Variants in CACUL1 observed in about 807,000 individuals in gnomAD.
CACUL1 encodes CDK2-associated and cullin domain-containing protein 1.
CACUL1 carries 13 observed loss-of-function variants against 45.2 expected under a neutral mutation model. The ratio of observed to expected loss-of-function variants is 0.29; its 90% CI spans 0.19 to 0.46. The LOEUF is 0.46. Ranked by LOEUF, CACUL1 falls within the 20% of genes least tolerant of loss-of-function variation. The probability of loss-of-function intolerance (pLI) is 1.00; values close to 1 mark genes in which losing one functional copy is unlikely to be tolerated. For synonymous variants in CACUL1, 197 were observed against 174.2 expected (o/e 1.13, Z -1.03); for missense variants, 421 against 471.4 (o/e 0.89, Z 0.99).
At chr10:118,753,261 T>C (rs1235572140) in intron 1 of CACUL1, among the ~76,000 whole-genome samples, 1 of 152,250 alleles carries the variant, frequency 6.6e-6, no homozygotes, top group African/African-American at 2.4e-5. Context: ...ATCAATGTCT[T>C]TGACTAAGGC....
At position 118,754,805 on chromosome 10, in the gene CACUL1, G is replaced by C; in HGVS notation, c.-43C>G. ...CCCGCCCGCCTCACAGGCACCTGCC[G>C]CCTGTCTCAACCCCGGGCCAGCGGG... On this transcript the variant is annotated 5_prime_UTR_variant, in exon 1 of 9. Transcript: ENST00000369151. 1 of 1,517,604 alleles carries C rather than the reference G, an allele frequency of 6.6e-7. No individual in the cohort carries two copies. The highest frequency in any genetic ancestry group is 8.8e-7 in the Non-Finnish European group (1 of 1,137,760). 94.0% of individuals were successfully genotyped at this position (1,517,604 alleles called of 1,614,324 possible). A position where few individuals can be genotyped will look rare whatever the true frequency, so the allele number is the denominator to read the frequency against.
At chr10:118,740,130 G>A (rs924425987) in intron 1 of CACUL1, among the ~76,000 whole-genome samples, 2 of 152,164 alleles carry the variant, frequency 1.3e-5, no homozygotes, top group Non-Finnish European at 2.9e-5. Flanking sequence ...CTGGGCGACA[G>A]AGCGGGACTC....
At chr10:118,748,097 G>A (rs1845861782) in intron 1 of CACUL1, among the ~76,000 whole-genome samples, 1 of 152,126 alleles carries the variant, frequency 6.6e-6, no homozygotes, top group Non-Finnish European at 1.5e-5. Flanking sequence ...AAAAAAAAGA[G>A]AGAGACAGAG....
chr10:118,695,827 G>GT (rs1845316730), intron 5 of CACUL1, among the ~76,000 whole-genome samples: 1 of 152,154 alleles, frequency 6.6e-6, no homozygotes, highest in Non-Finnish European at 1.5e-5. Flanking sequence ...TTTTTAAGAA[G>GT]TTTTTAACGA....
At chr10:118,725,341 A>T (rs146829620) in intron 3 of CACUL1, among the ~76,000 whole-genome samples, 1 of 152,050 alleles carries the variant, frequency 6.6e-6, no homozygotes, top group African/African-American at 2.4e-5. Context: ...GGTGGTGCAC[A>T]CCTGTAGTCC....
chr10:118,686,186 T>C lies in CACUL1; in HGVS notation c.1070-18A>G, dbSNP rs201638958. ...CGAGCTATCTGAAAAAACATCAGAATAGGAAAAAGTATGAAGAGCAGACAG... is the reference window on the plus strand; with the variant it reads ...CGAGCTATCTGAAAAAACATCAGAACAGGAAAAAGTATGAAGAGCAGACAG... On this transcript the variant is annotated intron_variant, in intron 8 of 8. Transcript: ENST00000369151. 58 of 1,604,418 alleles carry C rather than the reference T, an allele frequency of 3.6e-5. No homozygotes were observed. The highest frequency in any genetic ancestry group is 4.6e-5 in the Non-Finnish European group (54 of 1,171,818).
intron 3 of CACUL1, among the ~76,000 whole-genome samples, chr10:118,715,474 A>G (rs1481168596): frequency 6.6e-6 from 1 of 152,226 alleles, no homozygotes; most frequent in East Asian, 1.9e-4. Context: ...AGTACTGCCC[A>G]AAGGAACTTT....
chr10:118,715,132 C>T (rs181006144), intron 3 of CACUL1, among the ~76,000 whole-genome samples: 1 of 152,236 alleles, frequency 6.6e-6, no homozygotes, highest in Admixed American at 6.5e-5. Flanking sequence ...AGATAATAGT[C>T]TTATGCATAA....
intron 3 of CACUL1, among the ~76,000 whole-genome samples, chr10:118,711,859 A>T (rs953287645): frequency 1.3e-5 from 2 of 152,226 alleles, no homozygotes; most frequent in Non-Finnish European, 2.9e-5. Flanking sequence ...AAATTTTAGC[A>T]GTCTTCTAAA....
chr10:118,713,293 AG>A (rs1349683311), intron 3 of CACUL1, among the ~76,000 whole-genome samples: 1 of 152,140 alleles, frequency 6.6e-6, no homozygotes, highest in East Asian at 1.9e-4. Context: ...TGAGCCTTCG[AG>A]GGCAGGGGGT....
intron 3 of CACUL1, among the ~76,000 whole-genome samples, chr10:118,711,205 G>A (rs1201993508): frequency 1.3e-5 from 2 of 152,194 alleles, no homozygotes; most frequent in Non-Finnish European, 2.9e-5. Flanking sequence ...TCAGCCTCCT[G>A]AGTAGCTGGG....
intron 1 of CACUL1, among the ~76,000 whole-genome samples, chr10:118,754,115 T>C (rs940626126): frequency 2.6e-5 from 4 of 152,046 alleles, no homozygotes; most frequent in South Asian, 2.1e-4. Context: ...CCAGTTGTGA[T>C]AGGGATCGCA....
Position 118,718,746 on chromosome 10 carries a change from T to G in CACUL1, c.597+10549A>C, listed in dbSNP as rs889036580. 2.0e-5 allele frequency among the ~76,000 whole-genome samples: 3 copies of G among 151,752 alleles called. No homozygotes were observed. In the East Asian group the frequency reaches 5.8e-4, roughly 29 times the overall value. ...CCGCCACCACGCCCGGCTAATTTTT[T>G]GTATTTTTAGTAGAGACGGGTTTTC... On this transcript the variant is annotated intron_variant, in intron 3 of 8. Coordinates refer to ENST00000369151, the MANE Select transcript of CACUL1 (RefSeq NM_153810.5).
chr10:118,726,429 G>A (rs1845651899), intron 3 of CACUL1: 12 of 725,382 alleles, frequency 1.7e-5, no homozygotes, highest in Non-Finnish European at 2.0e-5. Context: ...AGACAAACAC[G>A]ATAGAGTCCC....
At position 118,691,412 on chromosome 10, in the gene CACUL1, A is replaced by G; in HGVS notation, c.887-9T>C. 6.2e-7 allele frequency: 1 copy of G among 1,605,878 alleles called. No individual in the cohort carries two copies. On this transcript the variant is annotated splice_polypyrimidine_tract_variant and intron_variant, in intron 6 of 8. Transcript: ENST00000369151. Reference sequence around the variant, plus strand: ...AGCCATCTGAACCCACTCTGTGAGGAAAGGAAACAATTCATTAAGGAAATC... The same window carrying G: ...AGCCATCTGAACCCACTCTGTGAGGGAAGGAAACAATTCATTAAGGAAATC...
chr10:118,746,417 G>A (rs755298265), intron 1 of CACUL1, among the ~76,000 whole-genome samples: 44 of 152,034 alleles, frequency 2.9e-4, no homozygotes, highest in Non-Finnish European at 5.1e-4. Flanking sequence ...TAGAATAAAC[G>A]GAGCCTCAAT....
intron 1 of CACUL1, among the ~76,000 whole-genome samples, chr10:118,740,932 A>C (rs1845786806): frequency 6.6e-6 from 1 of 152,082 alleles, no homozygotes; most frequent in African/African-American, 2.4e-5. Flanking sequence ...TCTCAAAAAA[A>C]AAAAAAACAA....
At chr10:118,720,037 T>C (rs183915962) in intron 3 of CACUL1, among the ~76,000 whole-genome samples, 11 of 152,322 alleles carry the variant, frequency 7.2e-5, no homozygotes, top group East Asian at 5.8e-4. Context: ...ATAAAGTCAA[T>C]TGAGTCTTAG....
rs958721772 is a variant in CACUL1, at chr10:118,683,346, T to C, written c.*2782A>G. On this transcript the variant is annotated 3_prime_UTR_variant, in exon 9 of 9. Transcript: ENST00000369151. Reference sequence around the variant, plus strand: ...TAGTGATGTGGTACAAAACCCAGTATGTAATTGGGGTAGAAAAACCATATA... The same window carrying C: ...TAGTGATGTGGTACAAAACCCAGTACGTAATTGGGGTAGAAAAACCATATA... The C allele has an allele frequency of 7.0e-6, 1 of 142,516 alleles. No individual in the cohort carries two copies. The highest frequency in any genetic ancestry group is 1.5e-5 in the Non-Finnish European group (1 of 66,952). The allele number at this position is 142,516 out of a possible 1,614,324, so 8.8% of individuals were successfully genotyped here. A position where few individuals can be genotyped will look rare whatever the true frequency, so the allele number is the denominator to read the frequency against.
Sources: allele counts gnomAD v4.1 joint callset (sites outside exome capture counted in the v4.1 genomes callset), GRCh38; gene constraint gnomAD v4.1.1; transcripts MANE v1.5; gene names NCBI Gene and HGNC (gene_info 2026-07-23, HGNC 2026-07-21).